Variants in IGF2BP1 observed in about 807,000 individuals in gnomAD.
IGF2BP1 encodes insulin-like growth factor 2 mRNA-binding protein 1.
IGF2BP1 carries 11 observed loss-of-function variants against 74.9 expected under a neutral mutation model. The ratio of observed to expected loss-of-function variants is 0.15; its 90% confidence interval spans 0.09 to 0.24. The LOEUF is 0.24. IGF2BP1 is among the 10% of genes least tolerant of loss of function. IGF2BP1 has a pLI of 1.00. For missense variants in IGF2BP1, 440 were observed against 757.4 expected (o/e 0.58, Z 4.92); for synonymous variants, 287 against 281.8 (o/e 1.02, Z -0.18).
In IGF2BP1 at chr17:49,049,651, T is replaced by A; in HGVS notation, c.*207T>A. Reference sequence around the variant, plus strand: ...CACCCACCCAATTGGCCCAACACTGTCTGCCCCTCGGGGTGTCAGAAATTC... The same window carrying A: ...CACCCACCCAATTGGCCCAACACTGACTGCCCCTCGGGGTGTCAGAAATTC... On this transcript the variant is annotated 3_prime_UTR_variant, in exon 15 of 15. Coordinates refer to ENST00000290341, the MANE Select transcript of IGF2BP1 (RefSeq NM_006546.4). 1 of 530,954 alleles carries A rather than the reference T, an allele frequency of 1.9e-6. No individual in the cohort carries two copies. The highest frequency in any genetic ancestry group is 3.4e-6 in the Non-Finnish European group (1 of 296,582). 32.9% of individuals were successfully genotyped at this position (530,954 alleles called of 1,614,324 possible). A position where few individuals can be genotyped will look rare whatever the true frequency, so the allele number is the denominator to read the frequency against.
chr17:49,008,805 T>A (rs1043218360), intron 2 of IGF2BP1, among the ~76,000 whole-genome samples: 1 of 152,050 alleles, frequency 6.6e-6, no homozygotes. Context: ...AGAAAACATT[T>A]AACAAGATGC....
At chr17:49,016,063 A>T (rs2041697598) in intron 2 of IGF2BP1, among the ~76,000 whole-genome samples, 1 of 152,230 alleles carries the variant, frequency 6.6e-6, no homozygotes, top group South Asian at 2.1e-4. Flanking sequence ...AGCCGCATGC[A>T]GTAAAAGCCA....
At position 49,042,389 on chromosome 17, in the gene IGF2BP1, G is replaced by C; in HGVS notation, c.1077+12G>C. ...TGGCTGCCATGAGCGTGAGTGCTGG[G>C]TAGTACCCTCTGCTTATCCTTTCCT... On this transcript the variant is annotated intron_variant, in intron 9 of 14. Coordinates refer to ENST00000290341, the MANE Select transcript of IGF2BP1 (RefSeq NM_006546.4). 2 of 1,614,070 alleles carry C rather than the reference G, an allele frequency of 1.2e-6. No individual in the cohort carries two copies. The highest frequency in any genetic ancestry group is 1.7e-6 in the Non-Finnish European group (2 of 1,179,952).
chr17:48,999,193 G>A (rs753329439), intron 2 of IGF2BP1, 24 bp downstream of exon 2: 2 of 737,112 alleles, frequency 2.7e-6, no homozygotes, highest in African/African-American at 1.9e-5. Context: ...CTTTTCGGGG[G>A]GGGTGGGGGG....
intron 2 of IGF2BP1, among the ~76,000 whole-genome samples, chr17:49,024,332 C>T (rs907377275): frequency 2.0e-5 from 3 of 151,910 alleles, no homozygotes; most frequent in Non-Finnish European, 2.9e-5. Context: ...GAGGATCACT[C>T]GATCGCAGCA....
At chr17:49,012,955 G>A (rs764569308) in intron 2 of IGF2BP1, 3 of 152,024 alleles carry the variant, frequency 2.0e-5, no homozygotes, top group Non-Finnish European at 4.4e-5. Flanking sequence ...CTGGCAAGCA[G>A]GAACAGGCTG....
At chr17:49,038,578 AG>A in intron 6 of IGF2BP1, 129 bp downstream of exon 6, 1 of 980,678 alleles carries the variant, frequency 1.0e-6, no homozygotes, top group Non-Finnish European at 1.4e-6. Flanking sequence ...TGGAGCATTC[AG>A]GGGTCCCTGC....
chr17:49,009,120 C>T (rs539579197), intron 2 of IGF2BP1, among the ~76,000 whole-genome samples: 10 of 152,106 alleles, frequency 6.6e-5, no homozygotes, highest in South Asian at 2.1e-4. Flanking sequence ...CTCTGCCTCC[C>T]GGGTTCAAGC....
chr17:49,004,264 C>G (rs2041521071), intron 2 of IGF2BP1, among the ~76,000 whole-genome samples: 4 of 152,088 alleles, frequency 2.6e-5, no homozygotes, highest in Admixed American at 2.0e-4. Flanking sequence ...CCCCAGATCG[C>G]AAACCTCGCA....
rs2042210162 is a variant in IGF2BP1, at chr17:49,055,084, A to G, written c.*5640A>G. ...TTGCTTAGGTTAGGGGGGGAAAAAGATTTCTTTTTCCAAAGGAAAAAAATA... is the reference window on the plus strand; with the variant it reads ...TTGCTTAGGTTAGGGGGGGAAAAAGGTTTCTTTTTCCAAAGGAAAAAAATA... On this transcript the variant is annotated 3_prime_UTR_variant, in exon 15 of 15. Coordinates refer to ENST00000290341, the MANE Select transcript of IGF2BP1 (RefSeq NM_006546.4). 2 of 150,616 alleles carry G rather than the reference A, an allele frequency of 1.3e-5. No homozygotes were observed. The highest frequency in any genetic ancestry group is 4.2e-4 in the South Asian group (2 of 4,738). The allele number at this position is 150,616 out of a possible 1,614,324, so 9.3% of individuals were successfully genotyped here. A position where few individuals can be genotyped will look rare whatever the true frequency, so the allele number is the denominator to read the frequency against.
At chr17:49,045,212 G>T in intron 12 of IGF2BP1, 147 bp downstream of exon 12, 1 of 605,576 alleles carries the variant, frequency 1.7e-6, no homozygotes, top group Non-Finnish European at 2.9e-6. Context: ...ATAAAGGGCT[G>T]CAGAGCTATT....
rs148153739 is a variant in IGF2BP1, at chr17:49,029,179, A to G, written c.337+2662A>G. ...TAGAACTTGCTTATTTATTATGCTT[A>G]TTGTTATCTCTCCATAAGCTCCACA... On this transcript the variant is annotated intron_variant, in intron 4 of 14. Transcript: ENST00000290341. Among the ~76,000 whole-genome samples, 3 of 152,262 alleles carry G rather than the reference A, an allele frequency of 2.0e-5. No individual in the cohort carries two copies. The East Asian group carries it at 5.8e-4, about 29-fold the overall frequency.
intron 14 of IGF2BP1, among the ~76,000 whole-genome samples, chr17:49,047,250 A>G (rs1490166540): frequency 6.6e-6 from 1 of 152,100 alleles, no homozygotes; most frequent in Non-Finnish European, 1.5e-5. Flanking sequence ...CCTTTCTGCT[A>G]TGTGACCTTG....
chr17:48,997,972 G>T lies in IGF2BP1; in HGVS notation c.175+52G>T. On this transcript the variant is annotated intron_variant, in intron 1 of 14. Transcript: ENST00000290341. The surrounding 1 kb of genome is among the most constrained non-coding windows in gnomAD (Gnocchi z 4.8). ...AGCCACAACGAGAGCCCCGAACAAC[G>T]GAGACCCGCACCTTCCGGTTCCTCT... 6.3e-7 allele frequency: 1 copy of T among 1,583,248 alleles called. No individual in the cohort carries two copies. The highest frequency in any genetic ancestry group is 8.6e-7 in the Non-Finnish European group (1 of 1,161,532).
intron 2 of IGF2BP1, among the ~76,000 whole-genome samples, chr17:49,025,315 TG>T (rs1371145720): frequency 1.1e-5 from 1 of 94,702 alleles, no homozygotes; most frequent in African/African-American, 5.9e-5. Context: ...ACAAACAAAG[TG>T]TGTGTGTGTG....
At chr17:49,034,115 CTTTT>C (rs762314265) in intron 5 of IGF2BP1, among the ~76,000 whole-genome samples, 1 of 118,410 alleles carries the variant, frequency 8.4e-6, no homozygotes, top group Middle Eastern at 4.5e-3. Flanking sequence ...TGATTTGCCC[CTTTT>C]TTTTTTTTTT....
chr17:49,043,821 A>C (rs933542684), intron 10 of IGF2BP1, 146 bp from the exon 11 acceptor site: 14 of 1,165,118 alleles, frequency 1.2e-5, no homozygotes, highest in Admixed American at 4.8e-5. Context: ...AGGAAGAGCT[A>C]AAGAGCTCAC....
intron 2 of IGF2BP1, among the ~76,000 whole-genome samples, chr17:49,003,894 G>C (rs1342421481): frequency 6.6e-6 from 1 of 152,028 alleles, no homozygotes; most frequent in Admixed American, 6.5e-5. Flanking sequence ...AGAGGGGTCG[G>C]AGACGGGTGG....
intron 2 of IGF2BP1, among the ~76,000 whole-genome samples, chr17:49,009,123 GT>G (rs1219338431): frequency 6.6e-6 from 1 of 152,062 alleles, no homozygotes; most frequent in African/African-American, 2.4e-5. Flanking sequence ...TGCCTCCCGG[GT>G]TCAAGCGATT....
Sources: gnomAD v4.1 joint callset for allele counts (sites outside exome capture counted in the v4.1 genomes callset) on GRCh38, gnomAD v4.1.1 for gene constraint, Gnocchi (gnomAD v3.1) non-coding constraint, MANE v1.5 for transcripts, NCBI Gene and HGNC (gene_info 2026-07-23, HGNC 2026-07-21) for gene names.